Variants in SGCD observed in about 807,000 individuals in gnomAD.
The protein encoded by SGCD is delta-sarcoglycan.
Under a neutral mutation model 36.6 loss-of-function variants are expected in SGCD, and 18 were observed. That is an observed-to-expected ratio of 0.49 (90% CI 0.34 to 0.73). The LOEUF (loss-of-function observed/expected upper bound fraction) is 0.73, where lower values mean the gene tolerates loss of function less well. Ranked by LOEUF, SGCD falls within the 30% of genes least tolerant of loss-of-function variation. SGCD has a pLI of 0.01. For synonymous variants in SGCD, 133 were observed against 130.6 expected, an observed-to-expected ratio of 1.02 and a Z score of -0.12; for missense variants, 387 against 346.7, an observed-to-expected ratio of 1.12 and a Z score of -0.92.
At chr5:155,767,462 C>T in the SGCD span, among the ~76,000 whole-genome samples, 4 of 152,148 alleles carry the variant, frequency 2.6e-5, no homozygotes, top group South Asian at 2.1e-4. Flanking sequence ...TTCTGCTTAC[C>T]GATAATATGC....
chr5:155,997,903 T>C (rs1456391705), intron 1 of SGCD, among the ~76,000 whole-genome samples: 1 of 152,264 alleles, frequency 6.6e-6, no homozygotes, highest in Non-Finnish European at 1.5e-5. Flanking sequence ...AGAGACCTTT[T>C]TTTGGTCAAT....
intron 3 of SGCD, among the ~76,000 whole-genome samples, chr5:156,135,184 C>A (rs1396397778): frequency 6.6e-6 from 1 of 151,986 alleles, no homozygotes; most frequent in Non-Finnish European, 1.5e-5. Context: ...CTTATTGATT[C>A]TTTTTGGATT....
At chr5:156,467,060 C>G (rs1255228129) in intron 3 of SGCD, among the ~76,000 whole-genome samples, 1 of 152,074 alleles carries the variant, frequency 6.6e-6, no homozygotes, top group African/African-American at 2.4e-5. Context: ...GTCTCTGTTG[C>G]AGCTACTCAA....
intron 3 of SGCD, among the ~76,000 whole-genome samples, chr5:156,149,550 G>T (rs1748401373): frequency 6.6e-6 from 1 of 152,166 alleles, no homozygotes; most frequent in Admixed American, 6.5e-5. Context: ...CTAGGGATGG[G>T]CTGCTCACCT....
chr5:155,976,520 C>T (rs377356139), intron 1 of SGCD, among the ~76,000 whole-genome samples: 2 of 152,194 alleles, frequency 1.3e-5, no homozygotes, highest in East Asian at 1.9e-4. Flanking sequence ...TGCCAGGCAC[C>T]GTGCTCGGTA....
the SGCD span, among the ~76,000 whole-genome samples, chr5:155,755,791 G>A: frequency 6.6e-6 from 1 of 152,084 alleles, no homozygotes; most frequent in African/African-American, 2.4e-5. Context: ...TGAATTACTC[G>A]GGAGCTGACT....
At chr5:155,900,645 A>T (rs989566478) in intron 1 of SGCD, among the ~76,000 whole-genome samples, 21 of 146,396 alleles carry the variant, frequency 1.4e-4, no homozygotes, top group Admixed American at 7.3e-5. Flanking sequence ...TCATTGTTCA[A>T]TTCCCACCTA....
intron 3 of SGCD, among the ~76,000 whole-genome samples, chr5:156,173,472 A>G (rs1763389748): frequency 6.6e-6 from 1 of 152,194 alleles, no homozygotes; most frequent in Non-Finnish European, 1.5e-5. Context: ...CAGCTATTCA[A>G]CTGAAAGGAA....
intron 8 of SGCD, chr5:156,758,034 AT>A: frequency 9.3e-7 from 1 of 1,076,774 alleles, no homozygotes. Flanking sequence ...AGCTGTATAT[AT>A]TATACACATC....
chr5:156,405,409 A>G (rs1772354634), intron 3 of SGCD, among the ~76,000 whole-genome samples: 1 of 152,228 alleles, frequency 6.6e-6, no homozygotes, highest in Non-Finnish European at 1.5e-5. Flanking sequence ...CTTTTATGAA[A>G]TGATCATCCT....
intron 3 of SGCD, among the ~76,000 whole-genome samples, chr5:156,375,078 T>C (rs924971727): frequency 6.6e-6 from 1 of 152,142 alleles, no homozygotes; most frequent in African/African-American, 2.4e-5. Flanking sequence ...TTTTCCAAGA[T>C]TCACCAGTTA....
intron 1 of SGCD, among the ~76,000 whole-genome samples, chr5:156,113,012 C>T (rs551292018): frequency 1.3e-5 from 2 of 152,264 alleles, no homozygotes; most frequent in Admixed American, 1.3e-4. Flanking sequence ...GGAATCTCAG[C>T]TTATGTGCAT....
Position 155,974,392 on chromosome 5 carries a change from G to A in SGCD, c.-282+103968G>A, listed in dbSNP as rs1758067881. 2.6e-5 allele frequency among the ~76,000 whole-genome samples: 4 copies of A among 152,136 alleles called. No homozygotes were observed. In the South Asian group the frequency reaches 8.3e-4, roughly 32 times the overall value. On this transcript the variant is annotated intron_variant, in intron 1 of 9. Coordinates refer to the SGCD transcript ENST00000517913. ...TATCCCATGTAAGAGTGAGGTATGG[G>A]AGCATAGTGAGTTTCTCTTTCACAC... is the stretch of plus-strand genomic sequence containing the variant.
chr5:155,769,856 C>T, the SGCD span, among the ~76,000 whole-genome samples: 8 of 152,104 alleles, frequency 5.3e-5, no homozygotes, highest in African/African-American at 1.9e-4. Flanking sequence ...TTTTGTTAGC[C>T]CTCAAGAGTC....
At position 156,765,516 on chromosome 5, in the gene SGCD, C is replaced by T. The variant is rs1179559975; in HGVS notation, c.*6126C>T. On this transcript the variant is annotated 3_prime_UTR_variant, in exon 9 of 9. Coordinates refer to ENST00000337851, the MANE Select transcript of SGCD (RefSeq NM_000337.6). The stretch of plus-strand genomic sequence containing the variant: ...AGATTTTCCTGGATCTGAAGCTACC[C>T]GAAGACATGGGAAGAGTTGTATTCT... 6 of 152,196 alleles carry T rather than the reference C, an allele frequency of 3.9e-5. No individual in the cohort carries two copies. The East Asian group carries it at 5.8e-4, about 15-fold the overall frequency. 9.4% of individuals were successfully genotyped at this position (152,196 alleles called of 1,614,324 possible). A position where few individuals can be genotyped will look rare whatever the true frequency, so the allele number is the denominator to read the frequency against.
rs552732859 is a variant in SGCD, at chr5:156,227,691, T to C, written c.-43-101843T>C. ...TTGCATTGAATTTGTAGATTGGGAT[T>C]GATTTGTTCTTGTTTCTCTAGTTCC... On this transcript the variant is annotated intron_variant, in intron 3 of 9. Coordinates refer to the SGCD transcript ENST00000517913. Among the ~76,000 whole-genome samples, 69 of 152,164 alleles carry C rather than the reference T, an allele frequency of 4.5e-4. 1 individual carries two copies. The highest frequency in any genetic ancestry group is 1.7e-3 in the Admixed American group (26 of 15,264).
chr5:155,753,849 C>T, the SGCD span, among the ~76,000 whole-genome samples: 1 of 152,064 alleles, frequency 6.6e-6, no homozygotes, highest in Non-Finnish European at 1.5e-5. Context: ...AATCACCAGC[C>T]CCCAGGTCCT....
At chr5:156,171,748 G>C (rs866393751) in intron 3 of SGCD, among the ~76,000 whole-genome samples, 1 of 152,098 alleles carries the variant, frequency 6.6e-6, no homozygotes, top group Non-Finnish European at 1.5e-5. Context: ...TTTAAAAATG[G>C]GGATGATACT....
intron 1 of SGCD, among the ~76,000 whole-genome samples, chr5:155,994,120 C>T (rs756266371): frequency 3.9e-5 from 6 of 152,170 alleles, no homozygotes; most frequent in Non-Finnish European, 8.8e-5. Flanking sequence ...AAAGGACCCT[C>T]CCACACTAGA....
Sources: gnomAD v4.1 joint callset for allele counts (sites outside exome capture counted in the v4.1 genomes callset) on GRCh38, gnomAD v4.1.1 for gene constraint, MANE v1.5 for transcripts, NCBI Gene and HGNC (gene_info 2026-07-23, HGNC 2026-07-21) for gene names.